Variants in DTNA observed in about 807,000 individuals in gnomAD.
DTNA encodes dystrophin-related protein 3.
DTNA carries 43 observed loss-of-function variants against 100.7 expected under a neutral mutation model. That is an observed-to-expected ratio of 0.43 (90% CI 0.33 to 0.55). The LOEUF (loss-of-function observed/expected upper bound fraction) is 0.55, where lower values mean the gene tolerates loss of function less well. Among genes scored for constraint, DTNA ranks in the 20% least tolerant of loss-of-function variants. The pLI is 0.04. For missense variants in DTNA, 798 were observed against 953.9 expected, an observed-to-expected ratio of 0.84 and a Z score of 2.15; for synonymous variants, 349 against 347.9, an observed-to-expected ratio of 1.00 and a Z score of -0.04.
At chr18:34,590,592 A>C (rs895916567) in intron 1 of DTNA, among the ~76,000 whole-genome samples, 1 of 152,216 alleles carries the variant, frequency 6.6e-6, no homozygotes, top group Non-Finnish European at 1.5e-5. Flanking sequence ...GCCATGCTCC[A>C]GCATTTGCCA....
intron 3 of DTNA, among the ~76,000 whole-genome samples, chr18:34,770,249 T>G (rs890558310): frequency 6.6e-6 from 1 of 152,176 alleles, no homozygotes; most frequent in Non-Finnish European, 1.5e-5. Flanking sequence ...TACTTTTAGG[T>G]CCATACCTTA....
intron 1 of DTNA, among the ~76,000 whole-genome samples, chr18:34,730,607 C>T (rs542356923): frequency 2.0e-5 from 3 of 152,256 alleles, no homozygotes; most frequent in South Asian, 4.2e-4. Flanking sequence ...GTCCATATGT[C>T]CTCATTTGGA....
chr18:34,528,570 GA>G (rs1176221729), intron 1 of DTNA, among the ~76,000 whole-genome samples: 2 of 152,028 alleles, frequency 1.3e-5, no homozygotes, highest in Non-Finnish European at 2.9e-5. Flanking sequence ...GTGTTAGGTT[GA>G]AATGCTTTCT....
chr18:34,806,135 A>C lies in DTNA; in HGVS notation c.363-84A>C, dbSNP rs978866377. On this transcript the variant is annotated intron_variant, in intron 4 of 22. Coordinates refer to ENST00000444659, the MANE Select transcript of DTNA (RefSeq NM_001386795.1). ...GATTTCTACAGAATAGAAAATGTCA[A>C]ACCTTGTTGCTGGAAGTACTCCAAA... 10 of 1,192,560 alleles carry C rather than the reference A, an allele frequency of 8.4e-6. No homozygotes were observed. In the African/African-American group the frequency reaches 1.5e-4, roughly 18 times the overall value. The allele number at this position is 1,192,560 out of a possible 1,614,324, so 73.9% of individuals were successfully genotyped here. A position where few individuals can be genotyped will look rare whatever the true frequency, so the allele number is the denominator to read the frequency against.
chr18:34,679,976 A>G (rs947820302), intron 1 of DTNA, among the ~76,000 whole-genome samples: 3 of 152,166 alleles, frequency 2.0e-5, no homozygotes, highest in Non-Finnish European at 4.4e-5. Context: ...AGTGTAATAA[A>G]CCAGAATGAG....
chr18:34,784,823 T>G (rs1438706423), intron 3 of DTNA, among the ~76,000 whole-genome samples: 1 of 152,226 alleles, frequency 6.6e-6, no homozygotes, highest in Non-Finnish European at 1.5e-5. Context: ...GGAATCTAGC[T>G]GCTTGTTCCA....
intron 1 of DTNA, among the ~76,000 whole-genome samples, chr18:34,596,063 A>T (rs1416817690): frequency 2.0e-5 from 3 of 152,148 alleles, no homozygotes; most frequent in Non-Finnish European, 4.4e-5. Context: ...GTAAAGCTAG[A>T]TTCTCAGATC....
chr18:34,753,361 A>ATTTTTTTT (rs751756097), intron 1 of DTNA, among the ~76,000 whole-genome samples: 4 of 96,890 alleles, frequency 4.1e-5, no homozygotes, highest in African/African-American at 2.1e-4. Flanking sequence ...TTATTTATTT[A>ATTTTTTTT]TTTTATTTTT....
Position 34,812,024 on chromosome 18 carries a change from C to A in DTNA, c.514C>A (p.Arg172=). 6.2e-7 allele frequency: 1 copy of A among 1,614,032 alleles called. No individual in the cohort carries two copies. Among genetic ancestry groups the A allele is most frequent in the Non-Finnish European group, 8.5e-7 (1 of 1,179,966 alleles). The change falls in exon 6 of 23, where the codon CGG becomes AGG. Residue 172 remains arginine, a synonymous_variant. Transcript: ENST00000444659. ...MVYGRYDQFL[R]EVLKLPTAVF... ...TTATGGACGATATGACCAATTCCTT[C>A]GGGAAGTTCTCAAACTACCCACGGC...
At chr18:34,655,999 A>AC (rs950548018) in intron 1 of DTNA, among the ~76,000 whole-genome samples, 6 of 152,204 alleles carry the variant, frequency 3.9e-5, no homozygotes, top group African/African-American at 1.4e-4. Context: ...GTTTACACAC[A>AC]CGTGTGCACA....
intron 1 of DTNA, among the ~76,000 whole-genome samples, chr18:34,737,555 G>A (rs1160918671): frequency 3.9e-5 from 6 of 152,140 alleles, no homozygotes; most frequent in Admixed American, 6.6e-5. Context: ...CTTAGAGAAA[G>A]GGAGCCTCCC....
chr18:34,775,377 T>G (rs950686639), intron 3 of DTNA, among the ~76,000 whole-genome samples: 1 of 151,996 alleles, frequency 6.6e-6, no homozygotes, highest in Non-Finnish European at 1.5e-5. Flanking sequence ...TCCCAGCTAC[T>G]CAGGAGGCTG....
At chr18:34,600,963 G>A (rs1048058394) in intron 1 of DTNA, among the ~76,000 whole-genome samples, 2 of 152,174 alleles carry the variant, frequency 1.3e-5, no homozygotes, top group African/African-American at 2.4e-5. Context: ...CATGCCATGT[G>A]GCCACACCTA....
At chr18:34,621,027 T>C (rs2056398074) in intron 1 of DTNA, among the ~76,000 whole-genome samples, 1 of 151,914 alleles carries the variant, frequency 6.6e-6, no homozygotes, top group South Asian at 2.1e-4. Flanking sequence ...CTATTTTTTG[T>C]TATCAAGGGA....
At chr18:34,795,434 G>A (rs182971582) in intron 4 of DTNA, among the ~76,000 whole-genome samples, 33 of 152,170 alleles carry the variant, frequency 2.2e-4, no homozygotes, top group South Asian at 1.5e-3. Flanking sequence ...TCTTTGCTTC[G>A]GCTGTGCACA....
At chr18:34,852,730 TCAG>T (rs1309506457) in intron 15 of DTNA, among the ~76,000 whole-genome samples, 1 of 152,092 alleles carries the variant, frequency 6.6e-6, no homozygotes, top group Non-Finnish European at 1.5e-5. Context: ...AGTCATTCCC[TCAG>T]CCTAGAAAGC....
chr18:34,888,332 T>A lies in DTNA; in HGVS notation c.*598T>A. ...CATTCAATAACCCTGAAGAATTTGG[T>A]TCCTGAGTGTACAAACTCAGAGCCC... On this transcript the variant is annotated 3_prime_UTR_variant, in exon 23 of 23. Coordinates refer to ENST00000444659, the MANE Select transcript of DTNA (RefSeq NM_001386795.1). 1.0e-6 allele frequency: 1 copy of A among 985,800 alleles called. No individual in the cohort carries two copies. Among genetic ancestry groups the A allele is most frequent in the East Asian group, 1.1e-4 (1 of 8,810 alleles). The allele number at this position is 985,800 out of a possible 1,614,324, so 61.1% of individuals were successfully genotyped here.
At chr18:34,665,461 T>C (rs866867363) in intron 1 of DTNA, among the ~76,000 whole-genome samples, 4 of 152,204 alleles carry the variant, frequency 2.6e-5, no homozygotes, top group South Asian at 2.1e-4. Context: ...CTAGGGTACA[T>C]GTGCACAATG....
At chr18:34,821,243 A>G (rs2095708933) in intron 9 of DTNA, 2 of 471,618 alleles carry the variant, frequency 4.2e-6, no homozygotes, top group African/African-American at 4.0e-5. Context: ...AAAATGATTT[A>G]CAGTATATTA....
Sources: gnomAD v4.1 joint callset for allele counts (sites outside exome capture counted in the v4.1 genomes callset) on GRCh38, gnomAD v4.1.1 for gene constraint, MANE v1.5 for transcripts, NCBI Gene and HGNC (gene_info 2026-07-23, HGNC 2026-07-21) for gene names.